Variants in MISP observed in about 807,000 individuals in gnomAD.
MISP encodes mitotic spindle positioning.
MISP carries 51 observed loss-of-function variants against 49.3 expected under a neutral mutation model. The ratio of observed to expected loss-of-function variants is 1.03; its 90% CI spans 0.83 to 1.31. The LOEUF is 1.31. Ranked by LOEUF, MISP falls within the 50% of genes most tolerant of loss-of-function variation. MISP has a pLI of 0.00. For synonymous variants in MISP, 444 were observed against 392.6 expected, an observed-to-expected ratio of 1.13 and a Z score of -1.55; for missense variants, 1,084 against 935.1, an observed-to-expected ratio of 1.16 and a Z score of -2.08.
intron 1 of MISP, among the ~76,000 whole-genome samples, chr19:752,058 CAA>C (rs2033467515): frequency 6.6e-6 from 1 of 152,152 alleles, no homozygotes; most frequent in Non-Finnish European, 1.5e-5. Context: ...TGATTTGGAG[CAA>C]AGTCTGAAAA....
intron 4 of MISP, among the ~76,000 whole-genome samples, 183 bp downstream of exon 4, chr19:761,846 T>C (rs1313996046): frequency 2.0e-5 from 3 of 152,178 alleles, no homozygotes; most frequent in African/African-American, 7.2e-5. Flanking sequence ...GCCATGGGCA[T>C]GGATTAGGAG....
intron 1 of MISP, among the ~76,000 whole-genome samples, chr19:753,974 G>A (rs977400154): frequency 1.3e-5 from 2 of 152,142 alleles, no homozygotes; most frequent in Non-Finnish European, 2.9e-5. Context: ...AGGAGCTCAA[G>A]CTTTTGAGAT....
intron 1 of MISP, among the ~76,000 whole-genome samples, chr19:754,471 G>T (rs1016281541): frequency 6.8e-6 from 1 of 147,872 alleles, no homozygotes; most frequent in Non-Finnish European, 1.5e-5. Flanking sequence ...TCAAAAAAAA[G>T]AAAAAATTAG....
At chr19:759,602 G>A (rs935456308) in intron 2 of MISP, among the ~76,000 whole-genome samples, 12 of 151,142 alleles carry the variant, frequency 7.9e-5, no homozygotes, top group East Asian at 2.0e-4. Context: ...GGGTTTCACC[G>A]TGTTAGCCAG....
rs776686237 is a variant in MISP, at chr19:758,167, G to A, written c.1221G>A (p.Ala407=). The A allele has an allele frequency of 2.9e-5, 46 of 1,612,422 alleles. No homozygotes were observed. Among genetic ancestry groups the A allele is most frequent in the East Asian group, 1.3e-4 (6 of 44,846 alleles). The change falls in exon 2 of 5, where the codon GCG becomes GCA. Residue 407 remains alanine (A), a synonymous_variant. Coordinates refer to ENST00000215582, the MANE Select transcript of MISP (RefSeq NM_173481.4). ...TCAGCCCGGCCCCAGATGCCCGTGC[G>A]GCCGACCCAGCTCCAGAAGTGAGGA... ...SILSPAPDAR[A]ADPAPEVRKV... is the part of the protein sequence containing the mutation.
At chr19:760,183 T>C (rs1192769999) in intron 3 of MISP, 144 bp downstream of exon 3, 4 of 873,664 alleles carry the variant, frequency 4.6e-6, no homozygotes, top group Non-Finnish European at 7.0e-6. Flanking sequence ...CTCCTGCAGA[T>C]GTCAGGTAGA....
chr19:757,596 G>T lies in MISP; in HGVS notation c.650G>T (p.Arg217Met). 3.1e-6 allele frequency: 5 copies of T among 1,612,632 alleles called. No homozygotes were observed. Among genetic ancestry groups the T allele is most frequent in the Non-Finnish European group, 4.2e-6 (5 of 1,179,626 alleles). ...GGGGCCCCTCATAGCTCCCCGGCCA[G>T]GGGGACCCCTGCAGGCACAACCCCA... ...NKGAPHSSPARGTPAGTTPGA... is the reference protein window; with the variant it reads ...NKGAPHSSPAMGTPAGTTPGA... Residue 217 changes from arginine (R) to methionine (M), a missense_variant, in exon 2 of 5, where the codon AGG (arginine) becomes ATG (methionine). Physicochemically the swap from Arg to Met is moderately conservative, Grantham distance 91. Transcript: ENST00000215582.
Position 753,518 on chromosome 19 carries a change from T to TG in MISP, c.-58+2350dup, listed in dbSNP as rs1441434875. Among the ~76,000 whole-genome samples, 9 of 151,416 alleles carry TG rather than the reference T, an allele frequency of 5.9e-5. No homozygotes were observed. The East Asian group carries it at 1.6e-3, about 26-fold the overall frequency. On this transcript the variant is annotated intron_variant, in intron 1 of 4. Coordinates refer to ENST00000215582, the MANE Select transcript of MISP (RefSeq NM_173481.4). ...CTCCTGCCTCAGCCTCCTGAGTAGCTGGGACTACAGGCGCCCGCCAGCACA... is the reference window on the plus strand; with the variant it reads ...CTCCTGCCTCAGCCTCCTGAGTAGCTGGGGACTACAGGCGCCCGCCAGCACA...
upstream of MISP, among the ~76,000 whole-genome samples, chr19:750,462 A>T (rs1438898270): frequency 6.6e-6 from 1 of 151,946 alleles, no homozygotes; most frequent in Middle Eastern, 3.2e-3. Flanking sequence ...GGCCTCCCAA[A>T]GTGCTGGGAT....
upstream of MISP, among the ~76,000 whole-genome samples, chr19:750,929 G>C (rs2033450544): frequency 6.6e-6 from 1 of 152,156 alleles, no homozygotes; most frequent in South Asian, 2.1e-4. Flanking sequence ...TGGGGGTGGA[G>C]GGGCAGCCGG....
intron 3 of MISP, chr19:760,570 G>A (rs922770869): frequency 2.0e-5 from 3 of 153,738 alleles, no homozygotes; most frequent in African/African-American, 7.3e-5. Flanking sequence ...GTTTCACCAT[G>A]TTAGCCAGGC....
intron 1 of MISP, among the ~76,000 whole-genome samples, chr19:752,939 C>T (rs1379138033): frequency 6.6e-6 from 1 of 152,228 alleles, no homozygotes; most frequent in Non-Finnish European, 1.5e-5. Context: ...ACCCCCACGT[C>T]TGAGCAGCTG....
rs1555693567 is a variant in MISP, at chr19:757,882, G to C, written c.936G>C (p.Gly312=). 1 of 1,607,136 alleles carries C rather than the reference G, an allele frequency of 6.2e-7. No homozygotes were observed. The highest frequency in any genetic ancestry group is 8.5e-7 in the Non-Finnish European group (1 of 1,179,728). The change falls in exon 2 of 5, where the codon GGG becomes GGC. Residue 312 remains glycine, a synonymous_variant. Transcript: ENST00000215582. ...EREADLREQR[G]LRQATDHQEL... ...AGGCAGACCTGCGAGAGCAGAGGGG[G>C]CTTCGGCAGGCAACCGACCACCAGG...
rs150331658 is a variant in MISP, at chr19:758,127, G to C, written c.1181G>C (p.Ser394Thr). ...CAGCCCGGACTCCGGAGAGCCCTCA[G>C]CTCAGATTCCATCCTCAGCCCGGCC... ...GPQPGLRRALSSDSILSPAPD... is the reference protein window; with the variant it reads ...GPQPGLRRALTSDSILSPAPD... Residue 394 changes from serine (S) to threonine (T), a missense_variant, in exon 2 of 5, where the codon AGC becomes ACC. Ser to Thr is a moderately conservative substitution (Grantham distance 58). Transcript: ENST00000215582. The C allele has an allele frequency of 6.2e-7, 1 of 1,610,008 alleles. No individual in the cohort carries two copies. The highest frequency in any genetic ancestry group is 1.3e-5 in the African/African-American group (1 of 75,006).
chr19:759,385 G>A (rs2033633601), intron 2 of MISP, among the ~76,000 whole-genome samples: 1 of 142,502 alleles, frequency 7.0e-6, no homozygotes, highest in Admixed American at 7.4e-5. Context: ...AATATTCCTT[G>A]TGTCACTTTT....
chr19:754,395 A>G (rs947284939), intron 1 of MISP, among the ~76,000 whole-genome samples: 50 of 151,792 alleles, frequency 3.3e-4, no homozygotes, highest in Non-Finnish European at 5.6e-4. Flanking sequence ...CCTGGGAGGC[A>G]GAGCTTGCAG....
intron 1 of MISP, among the ~76,000 whole-genome samples, chr19:752,614 G>A (rs1480425679): frequency 2.6e-5 from 4 of 152,134 alleles, no homozygotes; most frequent in Non-Finnish European, 5.9e-5. Flanking sequence ...CTGGACCCCA[G>A]GCCCCACCCG....
rs772192185 is a variant in MISP at position 758,108 on chromosome 19, G to A, written c.1162G>A (p.Gly388Arg). 83 of 1,599,268 alleles carry A rather than the reference G, an allele frequency of 5.2e-5. 3 individuals carry two copies. Among genetic ancestry groups the A allele is most frequent in the South Asian group, 5.1e-4 (46 of 89,690 alleles). ...PDWVSEGPQPGLRRALSSDSI... is the reference protein window; with the variant it reads ...PDWVSEGPQPRLRRALSSDSI... ...CTGGGTCTCGGAGGGTCCCCAGCCC[G>A]GACTCCGGAGAGCCCTCAGCTCAGA... is the stretch of plus-strand genomic sequence containing the variant. The change falls in exon 2 of 5, where the codon GGA becomes AGA. Residue 388 changes from glycine (G) to arginine (R), a missense_variant. Transcript: ENST00000215582.
At chr19:759,136 G>A (rs1392734706) in intron 2 of MISP, among the ~76,000 whole-genome samples, 2 of 151,920 alleles carry the variant, frequency 1.3e-5, no homozygotes, top group Admixed American at 6.6e-5. Flanking sequence ...CGATTCTCCT[G>A]CCTCAGCCTC....
Sources: gnomAD v4.1 joint callset for allele counts (sites outside exome capture counted in the v4.1 genomes callset) on GRCh38, gnomAD v4.1.1 for gene constraint, MANE v1.5 for transcripts, NCBI Gene and HGNC (gene_info 2026-07-23, HGNC 2026-07-21) for gene names.